Variants in UTP18 observed in about 807,000 individuals in gnomAD.
UTP18 encodes the protein UTP18 small subunit processome component, also known as U3 small nucleolar RNA-associated protein 18 homolog.
Under a neutral mutation model 61.1 loss-of-function variants are expected in UTP18, and 36 were observed. The observed-to-expected ratio is 0.59, with a 90% CI of 0.45 to 0.78. The LOEUF (loss-of-function observed/expected upper bound fraction) is 0.78. UTP18 is among the 30% of genes least tolerant of loss of function. The pLI is 0.00. For missense variants in UTP18, 753 were observed against 693.9 expected (o/e 1.09, Z -0.96); for synonymous variants, 282 against 251.1 (o/e 1.12, Z -1.16).
intron 4 of UTP18, among the ~76,000 whole-genome samples, 178 bp from the exon 5 acceptor site, chr17:51,273,184 A>C (rs1904584671): frequency 1.1e-5 from 1 of 91,626 alleles, no homozygotes; most frequent in Non-Finnish European, 2.4e-5. Flanking sequence ...TCTCCTTTAA[A>C]ATTTTTTTTT....
chr17:51,274,608 A>AT (rs1567701225), intron 5 of UTP18, among the ~76,000 whole-genome samples: 4 of 150,422 alleles, frequency 2.7e-5, no homozygotes, highest in East Asian at 2.0e-4. Flanking sequence ...TGCCTGGCTA[A>AT]TTTTTTTTTG....
intron 7 of UTP18, among the ~76,000 whole-genome samples, chr17:51,277,552 A>G (rs1304033782): frequency 1.3e-5 from 2 of 152,204 alleles, no homozygotes; most frequent in African/African-American, 4.8e-5. Flanking sequence ...CAGACAAGCA[A>G]TTGCAAATAC....
At chr17:51,260,985 T>G (rs1241077924) in intron 1 of UTP18, 59 bp downstream of exon 1, 1 of 1,381,390 alleles carries the variant, frequency 7.2e-7, no homozygotes, top group East Asian at 3.1e-5. Flanking sequence ...CGGTGGGCGG[T>G]GAAGCTCCGG....
chr17:51,268,945 C>T (rs1358861534), intron 4 of UTP18, 41 bp downstream of exon 4: 3 of 1,573,914 alleles, frequency 1.9e-6, no homozygotes, highest in African/African-American at 2.7e-5. Flanking sequence ...ACATAAGTCC[C>T]TGTTCCTGTT....
chr17:51,279,744 C>G (rs1412161815), intron 7 of UTP18, among the ~76,000 whole-genome samples: 1 of 152,092 alleles, frequency 6.6e-6, no homozygotes, highest in African/African-American at 2.4e-5. Context: ...GTTTGGAGAG[C>G]TGAGTCTCTG....
intron 2 of UTP18, among the ~76,000 whole-genome samples, chr17:51,264,758 C>G (rs755933022): frequency 9.2e-5 from 14 of 151,448 alleles, no homozygotes; most frequent in Non-Finnish European, 1.3e-4. Flanking sequence ...TCTTGGCTCA[C>G]TGCAACCTCC....
chr17:51,263,834 C>T (rs1399340198), intron 2 of UTP18, among the ~76,000 whole-genome samples: 3 of 152,160 alleles, frequency 2.0e-5, no homozygotes, highest in Non-Finnish European at 2.9e-5. Context: ...AGGTAGCTCA[C>T]ACCATAGGAA....
chr17:51,260,764 G>A lies in UTP18; in HGVS notation c.180G>A (p.Ala60=). 1.3e-6 allele frequency: 2 copies of A among 1,581,344 alleles called. No homozygotes were observed. Among genetic ancestry groups the A allele is most frequent in the South Asian group, 1.1e-5 (1 of 87,840 alleles). The stretch of plus-strand genomic sequence containing the variant: ...CCCGGCCGAGCGCGGCGGCCGCTGC[G>A]ATTGCAGTCGCGGCGGCGGAGGAAG... ...PPARPSAAAA[A]IAVAAAEEER... is the part of the protein sequence containing the mutation. The change falls in exon 1 of 14, where the codon GCG becomes GCA. Residue 60 remains alanine (A), a synonymous_variant. Transcript: ENST00000225298.
chr17:51,268,437 C>T (rs1267268458), intron 3 of UTP18, among the ~76,000 whole-genome samples: 1 of 152,176 alleles, frequency 6.6e-6, no homozygotes, highest in African/African-American at 2.4e-5. Flanking sequence ...TTTGTATATT[C>T]TTAACAATCT....
intron 2 of UTP18, 124 bp downstream of exon 2, chr17:51,263,510 T>G: frequency 1.3e-6 from 1 of 767,110 alleles, no homozygotes; most frequent in Non-Finnish European, 2.1e-6. Flanking sequence ...TTTGAAAGTA[T>G]AGAAAAGATC....
chr17:51,293,940 C>G lies in UTP18; in HGVS notation c.1541C>G (p.Pro514Arg). ...TCCTGTACAGTATTTTCAAACTTCCCAGTCATTAAAAATAAGAATATTTCT... is the reference window on the plus strand; with the variant it reads ...TCCTGTACAGTATTTTCAAACTTCCGAGTCATTAAAAATAAGAATATTTCT... ...LPSCTVFSNF[P>R]VIKNKNISHV... is the part of the protein sequence containing the mutation. The change falls in exon 12 of 14, where the codon CCA becomes CGA. Residue 514 changes from proline to arginine, a missense_variant. Coordinates refer to ENST00000225298, the MANE Select transcript of UTP18 (RefSeq NM_016001.3). The G allele has an allele frequency of 6.2e-7, 1 of 1,602,514 alleles. No homozygotes were observed. Among genetic ancestry groups the G allele is most frequent in the South Asian group, 1.1e-5 (1 of 88,872 alleles).
chr17:51,277,582 T>C (rs1372573675), intron 7 of UTP18, among the ~76,000 whole-genome samples: 2 of 152,188 alleles, frequency 1.3e-5, no homozygotes, highest in Non-Finnish European at 2.9e-5. Flanking sequence ...AAGTTAGCAG[T>C]TGATGCAGCA....
chr17:51,261,232 T>TAA (rs2055468044), intron 1 of UTP18, among the ~76,000 whole-genome samples: 1 of 152,232 alleles, frequency 6.6e-6, no homozygotes, highest in African/African-American at 2.4e-5. Flanking sequence ...GCTAGCCTCT[T>TAA]CCCAAACTGA....
At chr17:51,277,601 A>G (rs747102024) in intron 7 of UTP18, among the ~76,000 whole-genome samples, 3 of 152,174 alleles carry the variant, frequency 2.0e-5, no homozygotes, top group African/African-American at 7.2e-5. Context: ...CAGAAAAAGC[A>G]TGAGCCATGG....
chr17:51,276,132 A>G, intron 6 of UTP18, 141 bp downstream of exon 6: 3 of 805,372 alleles, frequency 3.7e-6, no homozygotes, highest in Non-Finnish European at 5.4e-6. Flanking sequence ...TAAGTCTCAC[A>G]GAAGTGACAG....
At chr17:51,261,250 C>T (rs550591240) in intron 1 of UTP18, among the ~76,000 whole-genome samples, 109 of 152,310 alleles carry the variant, frequency 7.2e-4, no homozygotes, top group African/African-American at 2.4e-3. Flanking sequence ...TGAGGGTGGT[C>T]TTTTGATCAC....
At chr17:51,285,017 C>T (rs1000745672) in intron 9 of UTP18, among the ~76,000 whole-genome samples, 22 of 150,274 alleles carry the variant, frequency 1.5e-4, no homozygotes, top group African/African-American at 4.9e-4. Context: ...GCTGAGATGG[C>T]GCAGTTACAC....
chr17:51,277,137 G>A lies in UTP18; in HGVS notation c.845G>A (p.Gly282Glu), dbSNP rs1904751784. Reference sequence around the variant, plus strand: ...TTTTGTACTTCTTTATAGGTTGATGGGAAAACAAATCCTAAAATTCAGAGC... The same window carrying A: ...TTTTGTACTTCTTTATAGGTTGATGAGAAAACAAATCCTAAAATTCAGAGC... ...DNAVSLFQVDGKTNPKIQSIY... is the reference protein window; with the variant it reads ...DNAVSLFQVDEKTNPKIQSIY... The change falls in exon 7 of 14, where the codon GGG becomes GAG. Residue 282 changes from glycine to glutamate, a missense_variant. Transcript: ENST00000225298. 9 of 1,613,914 alleles carry A rather than the reference G, an allele frequency of 5.6e-6. No individual in the cohort carries two copies. Among genetic ancestry groups the A allele is most frequent in the Non-Finnish European group, 7.6e-6 (9 of 1,179,906 alleles).
rs551368350 is a variant in UTP18 at position 51,296,457 on chromosome 17, C to A, written c.1647-508C>A. The A allele has an allele frequency of 2.0e-5, 3 of 152,474 alleles. No homozygotes were observed. In the East Asian group the frequency reaches 5.8e-4, roughly 29 times the overall value. 9.4% of individuals were successfully genotyped at this position (152,474 alleles called of 1,614,324 possible). On this transcript the variant is annotated intron_variant, in intron 12 of 13. Transcript: ENST00000225298. ...TACTTTGAAAGGAAAACAGGTTATA[C>A]CAGGATAATTTCATCAGTCTCATTT...
Sources: gnomAD v4.1 joint callset for allele counts (sites outside exome capture counted in the v4.1 genomes callset) on GRCh38, gnomAD v4.1.1 for gene constraint, MANE v1.5 for transcripts, NCBI Gene and HGNC (gene_info 2026-07-23, HGNC 2026-07-21) for gene names.